RUNX1T1: variants seen among roughly 807,000 people sequenced by gnomAD.
The protein encoded by RUNX1T1 is protein CBFA2T1.
A neutral mutation model predicts 62.8 loss-of-function variants in RUNX1T1; 4 were observed. The observed-to-expected ratio is 0.06, with a 90% confidence interval of 0.03 to 0.15. RUNX1T1 has a LOEUF of 0.15. Ranked by LOEUF, RUNX1T1 falls within the 10% of genes least tolerant of loss-of-function variation. The pLI is 1.00. For missense variants in RUNX1T1, 508 were observed against 754.3 expected, an observed-to-expected ratio of 0.67 and a Z score of 3.82; for synonymous variants, 291 against 286.0, an observed-to-expected ratio of 1.02 and a Z score of -0.18.
intron 5 of RUNX1T1, chr8:91,994,494 G>A (rs1256342009): frequency 1.5e-5 from 6 of 408,108 alleles, no homozygotes; most frequent in Middle Eastern, 5.4e-4. Context: ...TACCTTACTG[G>A]CATTGTGGTG....
chr8:92,032,993 A>G (rs1826547975), intron 1 of RUNX1T1, among the ~76,000 whole-genome samples: 1 of 152,218 alleles, frequency 6.6e-6, no homozygotes, highest in South Asian at 2.1e-4. Flanking sequence ...ATAATATGGT[A>G]TTAGAGTATA....
Position 92,051,476 on chromosome 8 carries a change from C to G in RUNX1T1, c.7+11070G>C, listed in dbSNP as rs372955076. Among the ~76,000 whole-genome samples, 27 of 152,168 alleles carry G rather than the reference C, an allele frequency of 1.8e-4. No homozygotes were observed. The East Asian group carries it at 2.3e-3, about 13-fold the overall frequency. ...TATACCAACATAATATTAAAAACTACTTAATTTCATCACAAAAAAGAGAGG... is the reference window on the plus strand; with the variant it reads ...TATACCAACATAATATTAAAAACTAGTTAATTTCATCACAAAAAAGAGAGG... On this transcript the variant is annotated intron_variant, in intron 1 of 10. Coordinates refer to ENST00000396218, the Ensembl canonical transcript of RUNX1T1.
chr8:91,980,027 C>T (rs553520054), intron 8 of RUNX1T1: 9 of 284,232 alleles, frequency 3.2e-5, no homozygotes, highest in East Asian at 1.4e-4. Flanking sequence ...TTTACAAATG[C>T]CACTTGTTTT....
At chr8:92,029,378 C>T (rs1392069151) in intron 1 of RUNX1T1, among the ~76,000 whole-genome samples, 1 of 152,028 alleles carries the variant, frequency 6.6e-6, no homozygotes, top group African/African-American at 2.4e-5. Flanking sequence ...CACAGGCATT[C>T]AGTATGGAAA....
intron 1 of RUNX1T1, among the ~76,000 whole-genome samples, chr8:92,022,045 T>C (rs1387300422): frequency 6.6e-6 from 1 of 151,858 alleles, no homozygotes; most frequent in African/African-American, 2.4e-5. Flanking sequence ...ACAGCCCTTC[T>C]GTATGATGGA....
At chr8:92,046,440 T>C (rs1829418211) in intron 1 of RUNX1T1, among the ~76,000 whole-genome samples, 1 of 152,174 alleles carries the variant, frequency 6.6e-6, no homozygotes, top group East Asian at 1.9e-4. Flanking sequence ...CATAGCTTAC[T>C]GCAACGTCCA....
chr8:92,023,031 TCA>T (rs1252481352), intron 1 of RUNX1T1, among the ~76,000 whole-genome samples: 2 of 152,194 alleles, frequency 1.3e-5, no homozygotes, highest in Admixed American at 6.5e-5. Flanking sequence ...AGTCAGATTA[TCA>T]CAGTTTCTTT....
intron 1 of RUNX1T1, among the ~76,000 whole-genome samples, chr8:92,097,387 T>C (rs1212572235): frequency 1.3e-5 from 2 of 152,186 alleles, no homozygotes; most frequent in African/African-American, 4.8e-5. Context: ...TTAGCTCTCA[T>C]AAAAGGTCAC....
intron 9 of RUNX1T1, among the ~76,000 whole-genome samples, chr8:91,973,272 GA>G (rs1400105860): frequency 6.6e-6 from 1 of 151,704 alleles, no homozygotes; most frequent in African/African-American, 2.4e-5. Flanking sequence ...GAAAGAAGAG[GA>G]TGAAAGGGAG....
At chr8:92,038,859 C>G (rs1827894528) in intron 1 of RUNX1T1, among the ~76,000 whole-genome samples, 1 of 152,150 alleles carries the variant, frequency 6.6e-6, no homozygotes, top group Non-Finnish European at 1.5e-5. Context: ...TTCACTCTCC[C>G]AGAAATTACT....
chr8:92,085,367 G>C (rs1835934153), intron 1 of RUNX1T1, among the ~76,000 whole-genome samples: 1 of 152,174 alleles, frequency 6.6e-6, no homozygotes, highest in Middle Eastern at 3.2e-3. Context: ...ACTATTGTCA[G>C]ATTCTTGTAT....
At chr8:92,087,630 G>A (rs1836336413) in intron 1 of RUNX1T1, among the ~76,000 whole-genome samples, 1 of 152,096 alleles carries the variant, frequency 6.6e-6, no homozygotes, top group Admixed American at 6.6e-5. Context: ...AGTGGGAACT[G>A]AGCCGACTAC....
intron 1 of RUNX1T1, among the ~76,000 whole-genome samples, chr8:92,027,283 G>T (rs1230910817): frequency 6.6e-6 from 1 of 152,060 alleles, no homozygotes; most frequent in Non-Finnish European, 1.5e-5. Flanking sequence ...GTGCCTGATG[G>T]TTACTATGTT....
At chr8:92,086,757 C>A (rs1466064549) in intron 1 of RUNX1T1, among the ~76,000 whole-genome samples, 1 of 152,192 alleles carries the variant, frequency 6.6e-6, no homozygotes, top group Non-Finnish European at 1.5e-5. Flanking sequence ...TTAATAACTT[C>A]CCCCTCTCTA....
chr8:92,044,960 G>A (rs1335028835), intron 1 of RUNX1T1, among the ~76,000 whole-genome samples: 1 of 152,070 alleles, frequency 6.6e-6, no homozygotes, highest in African/African-American at 2.4e-5. Flanking sequence ...ACCAGGTGCA[G>A]GGGCCTAAGC....
intron 1 of RUNX1T1, among the ~76,000 whole-genome samples, chr8:92,026,657 G>A (rs1035952190): frequency 1.4e-5 from 2 of 146,364 alleles, no homozygotes; most frequent in African/African-American, 5.1e-5. Context: ...CCGTCTCTAC[G>A]AAAAATATGA....
chr8:92,071,501 T>C (rs1833664023), intron 2 of RUNX1T1: 1 of 151,394 alleles, frequency 6.6e-6, no homozygotes, highest in Non-Finnish European at 1.5e-5. Context: ...CTTAGATCTT[T>C]TTTTTTTTTA....
At chr8:91,995,982 A>G (rs1818582773) in intron 5 of RUNX1T1, among the ~76,000 whole-genome samples, 1 of 152,142 alleles carries the variant, frequency 6.6e-6, no homozygotes, top group Non-Finnish European at 1.5e-5. Context: ...AAATGCCTAC[A>G]ACTACCTATA....
intron 1 of RUNX1T1, chr8:92,017,766 C>T (rs901264495): frequency 9.3e-6 from 4 of 428,284 alleles, no homozygotes; most frequent in Non-Finnish European, 1.3e-5. Context: ...GTCTGTTATG[C>T]AGGTGAGATA....
Sources: gnomAD v4.1 joint callset for allele counts (sites outside exome capture counted in the v4.1 genomes callset) on GRCh38, gnomAD v4.1.1 for gene constraint, MANE v1.5 for transcripts, NCBI Gene and HGNC (gene_info 2026-07-23, HGNC 2026-07-21) for gene names.